Variants in TTN observed in about 807,000 individuals in gnomAD.
TTN encodes the protein connectin.
A neutral mutation model predicts 3,223.0 loss-of-function variants in TTN; 1,525 were observed. The ratio of observed to expected loss-of-function variants is 0.47; its 90% CI spans 0.45 to 0.49. The LOEUF (loss-of-function observed/expected upper bound fraction) is 0.49, where lower values mean the gene tolerates loss of function less well. Among genes scored for constraint, TTN ranks in the 20% least tolerant of loss-of-function variants. TTN has a pLI of 0.00. For synonymous variants in TTN, 14,094 were observed against 15,161.0 expected (o/e 0.93, Z 5.17); for missense variants, 40,786 against 43,424.0 (o/e 0.94, Z 5.40).
chr2:178,790,120 T>G lies in TTN; in HGVS notation c.1801-5A>C, dbSNP rs772349556. On this transcript the variant is annotated splice_polypyrimidine_tract_variant and splice_region_variant and intron_variant, in intron 11 of 362. Transcript: ENST00000589042. Reference sequence around the variant, plus strand: ...TTTCCTAGTTTCCTTCATTATCTGATCATACAAAAGAAAGTAAGAAAATAG... The same window carrying G: ...TTTCCTAGTTTCCTTCATTATCTGAGCATACAAAAGAAAGTAAGAAAATAG... The G allele has an allele frequency of 4.3e-6, 7 of 1,611,790 alleles. No individual in the cohort carries two copies. The Admixed American group carries it at 1.2e-4, about 27-fold the overall frequency.
intron 33 of TTN, 186 bp downstream of exon 33, chr2:178,772,923 T>A: frequency 1.5e-6 from 1 of 688,386 alleles, no homozygotes; most frequent in Non-Finnish European, 2.4e-6. Context: ...ACGTTTGAGG[T>A]AGGCCTAGAA....
At position 178,738,358 on chromosome 2, in the gene TTN, C is replaced by T; in HGVS notation, c.14095G>A (p.Ala4699Thr). The change falls in exon 49 of 363, where the codon GCC becomes ACC. Residue 4699 changes from alanine (A) to threonine (T), a missense_variant and splice_region_variant. Coordinates refer to ENST00000589042, the MANE Select transcript of TTN (RefSeq NM_001267550.2). ...TCGATTTTCCTCTTGATCACTGGGGCAGCTGCAAAGGGAAGTAGAGTCCAT... is the reference window on the plus strand; with the variant it reads ...TCGATTTTCCTCTTGATCACTGGGGTAGCTGCAAAGGGAAGTAGAGTCCAT... ...SAKLTVVKRAAPVIKRKIEPL... is the reference protein window; with the variant it reads ...SAKLTVVKRATPVIKRKIEPL... The T allele has an allele frequency of 6.2e-7, 1 of 1,610,810 alleles. No individual in the cohort carries two copies.
At chr2:178,551,343 C>G (rs1699353021) in intron 335 of TTN, 83 bp from the exon 336 acceptor site, 3 of 1,080,234 alleles carry the variant, frequency 2.8e-6, no homozygotes, top group Non-Finnish European at 3.7e-6. Context: ...TACAATTATT[C>G]TATAATTTTA....
Position 178,605,282 on chromosome 2 carries a change from AAT to A in TTN, c.53893_53894del (p.Ile17965Ter). The A allele has an allele frequency of 6.3e-7, 1 of 1,584,318 alleles. No homozygotes were observed. Among genetic ancestry groups the A allele is most frequent in the African/African-American group, 1.4e-5 (1 of 73,844 alleles). On this transcript the variant is annotated frameshift_variant, in exon 280 of 363. Transcript: ENST00000589042. LOFTEE classifies it high-confidence loss of function. ...CTCCTCGAACACTCAGACGCAACTT[AAT>A]AGTTGGAGGCACTGCAAAGAGAAGA... ...VIQDDEVPPT[I>X]KLRLSVRGDT...
intron 119 of TTN, 60 bp from the exon 120 acceptor site, chr2:178,692,640 T>C: frequency 7.8e-7 from 1 of 1,288,898 alleles, no homozygotes; most frequent in Non-Finnish European, 1.0e-6. Context: ...TATGTTGTTG[T>C]AAGACTTAGA....
At chr2:178,737,305 T>C (rs1442498840) in intron 49 of TTN, 1 of 151,618 alleles carries the variant, frequency 6.6e-6, no homozygotes, top group East Asian at 1.9e-4. Flanking sequence ...TTTCTTTCTT[T>C]CTTTTTTTTT....
At position 178,782,240 on chromosome 2, in the gene TTN, A is replaced by AT. The variant is rs2092847994; in HGVS notation, c.3351dup (p.Ser1118IlefsTer21). 6.2e-6 allele frequency: 10 copies of AT among 1,614,002 alleles called. No individual in the cohort carries two copies. Among genetic ancestry groups the AT allele is most frequent in the Non-Finnish European group, 8.5e-6 (10 of 1,179,972 alleles). On this transcript the variant is annotated frameshift_variant, in exon 20 of 363. Coordinates refer to ENST00000589042, the MANE Select transcript of TTN (RefSeq NM_001267550.2). LOFTEE classifies it high-confidence loss of function. The stretch of plus-strand genomic sequence containing the variant: ...TATCCAGTGGTTAGAGGAACACCAG[A>AT]TTTTTTCCAGTATACATGGGGCTTT...
chr2:178,550,296 A>G (rs776689096), intron 336 of TTN, 23 bp from the exon 337 acceptor site: 10 of 1,583,974 alleles, frequency 6.3e-6, no homozygotes, highest in African/African-American at 2.7e-5. Context: ...GAGAAATACT[A>G]TGTATTAGTT....
rs2082352760 is a variant in TTN at position 178,740,789 on chromosome 2, G to A, written c.12444C>T (p.Pro4148=). The change falls in exon 48 of 363, where the codon CCC becomes CCT. Residue 4148 remains proline (P), a synonymous_variant. Coordinates refer to ENST00000589042, the MANE Select transcript of TTN (RefSeq NM_001267550.2). Reference sequence around the variant, plus strand: ...ACTGTACAATCTGCAGCTGTAGGTTGGGAGATGGTTCCTTGAGAGGCTGAA... The same window carrying A: ...ACTGTACAATCTGCAGCTGTAGGTTAGGAGATGGTTCCTTGAGAGGCTGAA... ...IHFQPLKEPS[P]NLQLQIVQSQ... The A allele has an allele frequency of 6.2e-7, 1 of 1,613,422 alleles. No homozygotes were observed. Among genetic ancestry groups the A allele is most frequent in the African/African-American group, 1.3e-5 (1 of 74,870 alleles).
In TTN at chr2:178,588,972, A is replaced by G. The variant is rs1290792058; in HGVS notation, c.62753T>C (p.Val20918Ala). The G allele has an allele frequency of 6.2e-7, 1 of 1,612,444 alleles. No homozygotes were observed. The highest frequency in any genetic ancestry group is 8.5e-7 in the Non-Finnish European group (1 of 1,179,378). Residue 20918 changes from valine (V) to alanine (A), a missense_variant, in exon 304 of 363, where the codon GTC becomes GCC. Coordinates refer to ENST00000589042, the MANE Select transcript of TTN (RefSeq NM_001267550.2). ...RMVWSTYSAT[V>A]LTPGTTVTRL... ...TGTTACTGTAGTACCAGGTGTCAAG[A>G]CAGTAGCAGAATAGGTAGACCAAAC... is the stretch of plus-strand genomic sequence containing the variant.
In TTN at chr2:178,719,367, A is replaced by T. The variant is rs767654858; in HGVS notation, c.24023T>A (p.Val8008Asp). The change falls in exon 83 of 363, where the codon GTC becomes GAC. Residue 8008 changes from valine to aspartate, a missense_variant. Coordinates refer to ENST00000589042, the MANE Select transcript of TTN (RefSeq NM_001267550.2). ...LGASVVLECR[V>D]SGSAPISVGW... ...AACTGAAATCGGGGCTGAGCCAGAG[A>T]CTCGGCACTCCAAAACAACTGAGGC... 3.1e-6 allele frequency: 5 copies of T among 1,613,670 alleles called. No homozygotes were observed. In the Admixed American group the frequency reaches 6.7e-5, roughly 22 times the overall value.
intron 335 of TTN, 50 bp from the exon 336 acceptor site, chr2:178,551,310 C>A: frequency 6.8e-7 from 1 of 1,478,268 alleles, no homozygotes; most frequent in South Asian, 1.3e-5. Context: ...GTAACCAGGT[C>A]TTAATCATCC....
In TTN at chr2:178,722,149, G is replaced by T; in HGVS notation, c.22529-15C>A. 6.5e-7 allele frequency: 1 copy of T among 1,537,850 alleles called. No homozygotes were observed. The highest frequency in any genetic ancestry group is 2.1e-5 in the Admixed American group (1 of 47,190). ...TTTCTTGGGTTCTGGAGGATGAGAA[G>T]AAAGGCAATGTGTATTTTTTGTTTG... On this transcript the variant is annotated splice_polypyrimidine_tract_variant and intron_variant, in intron 77 of 362. Transcript: ENST00000589042.
Position 178,591,763 on chromosome 2 carries a change from T to G in TTN, c.60056A>C (p.Glu20019Ala). 6.2e-7 allele frequency: 1 copy of G among 1,613,282 alleles called. No homozygotes were observed. Among genetic ancestry groups the G allele is most frequent in the South Asian group, 1.1e-5 (1 of 91,062 alleles). ...ITGYLVEYQE[E>A]GTQDWIKFKT... ...AAATTTAATCCAGTCCTGGGTGCCT[T>G]CTTCTTGATATTCTACCAAATATCC... The change falls in exon 303 of 363, where the codon GAA (glutamate) becomes GCA (alanine). Residue 20019 changes from glutamate (E) to alanine (A), a missense_variant. Transcript: ENST00000589042.
chr2:178,748,448 C>G (rs2084328726), intron 47 of TTN: 3 of 1,613,042 alleles, frequency 1.9e-6, no homozygotes, highest in African/African-American at 1.3e-5. Context: ...CGTTTCAGGG[C>G]TAGGAATTTT....
intron 22 of TTN, 70 bp downstream of exon 22, chr2:178,779,930 A>T (rs1561332153): frequency 6.6e-7 from 1 of 1,520,378 alleles, no homozygotes. Context: ...CTTGAAAATG[A>T]AAATATCAAA....
rs1291314776 is a variant in TTN, at chr2:178,622,746, C to T, written c.44837G>A (p.Arg14946Lys). The T allele has an allele frequency of 3.7e-6, 6 of 1,602,910 alleles. No individual in the cohort carries two copies. The highest frequency in any genetic ancestry group is 1.3e-5 in the African/African-American group (1 of 74,658). ...NVVPPHVEFL[R>K]PLTDLQVREK... The stretch of plus-strand genomic sequence containing the variant: ...TCTAACTTGAAGGTCGGTGAGTGGT[C>T]TTAAGAATTCCACATGAGGAGCTGT... Residue 14946 changes from arginine (R) to lysine (K), a missense_variant, in exon 243 of 363, where the codon AGA (arginine) becomes AAA (lysine). Physicochemically the swap from Arg to Lys is conservative, Grantham distance 26. Transcript: ENST00000589042.
Position 178,593,331 on chromosome 2 carries a change from G to A in TTN, c.58877C>T (p.Ala19626Val). 6.2e-7 allele frequency: 1 copy of A among 1,613,292 alleles called. No individual in the cohort carries two copies. The highest frequency in any genetic ancestry group is 1.1e-5 in the South Asian group (1 of 91,050). ...ATGAATAGGATCTTTGGTAACTCTA[G>A]CCCATCGTTTAGACATAGTTTCTCT... ...EKRETMSKRW[A>V]RVTKDPIHPY... The change falls in exon 299 of 363, where the codon GCT becomes GTT. Residue 19626 changes from alanine to valine, a missense_variant. Transcript: ENST00000589042.
At chr2:178,690,080 CA>C (rs2071970584) in intron 121 of TTN, among the ~76,000 whole-genome samples, 184 bp from the exon 122 acceptor site, 1 of 152,128 alleles carries the variant, frequency 6.6e-6, no homozygotes, top group African/African-American at 2.4e-5. Flanking sequence ...ATAAATATCA[CA>C]AATAATGTTT....
Sources: gnomAD v4.1 joint callset for allele counts (sites outside exome capture counted in the v4.1 genomes callset) on GRCh38, gnomAD v4.1.1 for gene constraint, MANE v1.5 for transcripts, NCBI Gene and HGNC (gene_info 2026-07-23, HGNC 2026-07-21) for gene names.